The following PKHD1 variants were observed in gnomAD, a reference collection of about 807,000 sequenced individuals.
PKHD1 encodes the protein PKHD1 ciliary IPT domain containing fibrocystin/polyductin.
In PKHD1, 291 loss-of-function variants were observed where a neutral mutation model predicts 412.0. That is an observed-to-expected ratio of 0.71 (90% CI 0.64 to 0.78). The LOEUF is 0.78. Ranked by LOEUF, PKHD1 falls within the 30% of genes least tolerant of loss-of-function variation. The pLI, the probability that PKHD1 is intolerant of heterozygous loss-of-function variation, is 0.00. For synonymous variants in PKHD1, 1,777 were observed against 1,821.5 expected, an observed-to-expected ratio of 0.98 and a Z score of 0.62; for missense variants, 4,825 against 4,950.7, an observed-to-expected ratio of 0.97 and a Z score of 0.76.
At chr6:51,826,827 T>C (rs1767400927) in intron 52 of PKHD1, among the ~76,000 whole-genome samples, 1 of 152,124 alleles carries the variant, frequency 6.6e-6, no homozygotes, top group South Asian at 2.1e-4. Flanking sequence ...ATACTTAAGA[T>C]AGTGATGTCT....
chr6:51,722,386 G>A (rs1019843738), intron 60 of PKHD1, among the ~76,000 whole-genome samples: 1 of 152,130 alleles, frequency 6.6e-6, no homozygotes, highest in Non-Finnish European at 1.5e-5. Context: ...ATAAACGAAA[G>A]TTTGCACATT....
Position 51,748,482 on chromosome 6 carries a change from C to G in PKHD1, c.9134G>C (p.Gly3045Ala), listed in dbSNP as rs976655224. 1 of 1,613,864 alleles carries G rather than the reference C, an allele frequency of 6.2e-7. No homozygotes were observed. The highest frequency in any genetic ancestry group is 8.5e-7 in the Non-Finnish European group (1 of 1,179,870). The change falls in exon 58 of 67, where the codon GGC becomes GCC. Residue 3045 changes from glycine to alanine, a missense_variant. Transcript: ENST00000371117. Reference sequence around the variant, plus strand: ...TAAATCTATGCCATGGCCAGCTGTGCCAAACACAATATTGTCATTTAAAAG... The same window carrying G: ...TAAATCTATGCCATGGCCAGCTGTGGCAAACACAATATTGTCATTTAAAAG... Reference protein sequence around the residue: ...GVLLNDNIVFGTAGHGIDLEG... With the variant: ...GVLLNDNIVFATAGHGIDLEG...
chr6:51,844,086 A>C (rs750876385), intron 50 of PKHD1, among the ~76,000 whole-genome samples: 5 of 152,244 alleles, frequency 3.3e-5, no homozygotes, highest in Admixed American at 1.3e-4. Context: ...AAAGAAAGAA[A>C]ACTTCTAGAG....
Position 52,043,043 on chromosome 6 carries a change from G to A in PKHD1, c.2913C>T (p.Cys971=), listed in dbSNP as rs1404787052. The A allele has an allele frequency of 6.2e-7, 1 of 1,613,962 alleles. No homozygotes were observed. The highest frequency in any genetic ancestry group is 8.5e-7 in the Non-Finnish European group (1 of 1,179,898). Residue 971 remains cysteine (C), a synonymous_variant, in exon 27 of 67, where the codon TGC becomes TGT. Coordinates refer to ENST00000371117, the MANE Select transcript of PKHD1 (RefSeq NM_138694.4). ...TGGTCTGGTTTGAGAAAATAACTTT[G>A]CAACTCGTTTTGTTCACTGTAACCT... ...FLQVTVNKTS[C]KVIFSNQTNV...
intron 51 of PKHD1, 96 bp downstream of exon 51, chr6:51,836,308 G>T: frequency 1.2e-6 from 1 of 839,104 alleles, no homozygotes; most frequent in Non-Finnish European, 2.1e-6. Flanking sequence ...ACTGATACCT[G>T]CCTGTTTATT....
At chr6:51,693,402 A>G (rs182251821) in intron 60 of PKHD1, among the ~76,000 whole-genome samples, 154 of 152,370 alleles carry the variant, frequency 1.0e-3, no homozygotes, top group Admixed American at 0.01. Flanking sequence ...GCACGTTTAT[A>G]CAAAAAGATT....
intron 19 of PKHD1, 96 bp downstream of exon 19, chr6:52,055,491 A>G (rs2128207056): frequency 7.2e-7 from 1 of 1,391,896 alleles, no homozygotes; most frequent in Non-Finnish European, 1.0e-6. Context: ...GATCACAGCA[A>G]TCACTCCTTT....
Position 52,048,558 on chromosome 6 carries a change from G to C in PKHD1, c.2341C>G (p.Arg781Gly), listed in dbSNP as rs398124478. Residue 781 changes from arginine (R) to glycine (G), a missense_variant, in exon 23 of 67, where the codon CGA becomes GGA. Transcript: ENST00000371117. Reference protein sequence around the residue: ...SGLVLVTTQRRQRTSPPLGGH... With the variant: ...SGLVLVTTQRGQRTSPPLGGH... ...CCTAGAGGTGGACTTGTCCGCTGTC[G>C]TCTCTGTGTCGTCACCAGGACCAGT... 1 of 1,613,974 alleles carries C rather than the reference G, an allele frequency of 6.2e-7. No homozygotes were observed. The highest frequency in any genetic ancestry group is 2.2e-5 in the East Asian group (1 of 44,874).
Position 51,658,987 on chromosome 6 carries a change from T to C in PKHD1, c.11139A>G (p.Leu3713=). ...ENVLNMTIGA[L]LVTQSKGVIG... ...TGACTCCCTTTGACTGAGTAACTAG[T>C]AAGGCCCCGATAGTCATATTCAGAA... The change falls in exon 61 of 67, where the codon TTA becomes TTG. Residue 3713 remains leucine (L), a synonymous_variant. Transcript: ENST00000371117. The C allele has an allele frequency of 3.1e-6, 5 of 1,612,956 alleles. No homozygotes were observed. The highest frequency in any genetic ancestry group is 4.2e-6 in the Non-Finnish European group (5 of 1,179,066).
intron 53 of PKHD1, among the ~76,000 whole-genome samples, chr6:51,777,171 A>T (rs1791155734): frequency 6.6e-6 from 1 of 152,148 alleles, no homozygotes; most frequent in Non-Finnish European, 1.5e-5. Flanking sequence ...AATAACTAGT[A>T]AACTTACAAT....
At position 52,085,007 on chromosome 6, in the gene PKHD1, T is replaced by C; in HGVS notation, c.-74A>G. 3 of 993,450 alleles carry C rather than the reference T, an allele frequency of 3.0e-6. No individual in the cohort carries two copies. The highest frequency in any genetic ancestry group is 4.9e-6 in the Non-Finnish European group (3 of 614,120). 61.5% of individuals were successfully genotyped at this position (993,450 alleles called of 1,614,324 possible). ...ATTTTCAGTTTTGATTGGAGCAGCA[T>C]AGCTTTTGTGCTTTATAAAAACAAA... On this transcript the variant is annotated 5_prime_UTR_variant, in exon 2 of 67. An upstream start codon of the reference 5' UTR is lost. Transcript: ENST00000371117.
At chr6:51,805,745 T>A (rs1318416570) in intron 52 of PKHD1, among the ~76,000 whole-genome samples, 1 of 152,090 alleles carries the variant, frequency 6.6e-6, no homozygotes, top group Non-Finnish European at 1.5e-5. Context: ...CAACTCATAT[T>A]TTTCAGAGTG....
intron 57 of PKHD1, among the ~76,000 whole-genome samples, chr6:51,751,516 G>A (rs1786108672): frequency 6.6e-6 from 1 of 152,116 alleles, no homozygotes; most frequent in Non-Finnish European, 1.5e-5. Flanking sequence ...AAAATTGAGT[G>A]AAAGGTATAC....
At chr6:52,083,514 C>A (rs1812335818) in intron 2 of PKHD1, among the ~76,000 whole-genome samples, 2 of 152,170 alleles carry the variant, frequency 1.3e-5, no homozygotes, top group African/African-American at 4.8e-5. Flanking sequence ...TTGACAAATT[C>A]TTCTTATCTT....
chr6:51,755,226 T>G (rs1034902484), intron 55 of PKHD1, among the ~76,000 whole-genome samples: 1 of 152,228 alleles, frequency 6.6e-6, no homozygotes, highest in African/African-American at 2.4e-5. Context: ...CAGAGGTTAG[T>G]ACACATGTCT....
At chr6:51,625,605 A>G (rs1767126649) in intron 66 of PKHD1, among the ~76,000 whole-genome samples, 1 of 152,160 alleles carries the variant, frequency 6.6e-6, no homozygotes, top group South Asian at 2.1e-4. Context: ...CTCATTCCTA[A>G]TAATTTATTA....
intron 55 of PKHD1, among the ~76,000 whole-genome samples, chr6:51,764,698 C>T (rs181611976): frequency 2.6e-4 from 40 of 152,192 alleles, no homozygotes; most frequent in African/African-American, 8.4e-4. Flanking sequence ...GATTAAAATT[C>T]TTGATATTGC....
In PKHD1 at chr6:51,742,437, A is replaced by G. The variant is rs1582403118; in HGVS notation, c.10156+1948T>C. Among the ~76,000 whole-genome samples the G allele has an allele frequency of 2.0e-5, 3 of 152,228 alleles. No homozygotes were observed. In the South Asian group the frequency reaches 6.2e-4, roughly 31 times the overall value. ...AGAATCATATGTAGAAACAGCTCCA[A>G]ATGTCAAATGCTGTACTGTAGCAGT... On this transcript the variant is annotated intron_variant, in intron 60 of 66. Coordinates refer to ENST00000371117, the MANE Select transcript of PKHD1 (RefSeq NM_138694.4).
At chr6:52,002,678 AG>A (rs1166732560) in intron 35 of PKHD1, among the ~76,000 whole-genome samples, 1 of 152,196 alleles carries the variant, frequency 6.6e-6, no homozygotes, top group Non-Finnish European at 1.5e-5. Flanking sequence ...AAAAAAAGAA[AG>A]AAGGGAGAGA....
Sources: allele counts gnomAD v4.1 joint callset (sites outside exome capture counted in the v4.1 genomes callset), GRCh38; gene constraint gnomAD v4.1.1; transcripts MANE v1.5; gene names NCBI Gene and HGNC (gene_info 2026-07-23, HGNC 2026-07-21).